ITGA9: variants seen among roughly 807,000 people sequenced by gnomAD.
ITGA9 encodes the protein integrin subunit alpha 9.
A neutral mutation model predicts 127.8 loss-of-function variants in ITGA9; 56 were observed. The ratio of observed to expected loss-of-function variants is 0.44; its 90% CI spans 0.35 to 0.55. ITGA9 has a LOEUF of 0.55. Among genes scored for constraint, ITGA9 ranks in the 20% least tolerant of loss-of-function variants. The pLI is 0.00. For missense variants in ITGA9, 1,196 were observed against 1,347.1 expected, an observed-to-expected ratio of 0.89 and a Z score of 1.76; for synonymous variants, 508 against 514.5, an observed-to-expected ratio of 0.99 and a Z score of 0.17.
At chr3:37,680,795 A>G (rs1700727460) in intron 17 of ITGA9, among the ~76,000 whole-genome samples, 1 of 152,226 alleles carries the variant, frequency 6.6e-6, no homozygotes, top group African/African-American at 2.4e-5. Context: ...TAATCTTCCA[A>G]AAGCAAACAG....
chr3:37,729,069 A>T (rs1196494042), intron 18 of ITGA9, among the ~76,000 whole-genome samples: 1 of 150,264 alleles, frequency 6.7e-6, no homozygotes, highest in East Asian at 2.0e-4. Context: ...AGGCAAAGCG[A>T]CTCCATTCAA....
intron 15 of ITGA9, among the ~76,000 whole-genome samples, chr3:37,612,173 A>G (rs1700029521): frequency 6.6e-6 from 1 of 152,208 alleles, no homozygotes; most frequent in South Asian, 2.1e-4. Flanking sequence ...CTCATTAGGC[A>G]TTACTAGTAA....
intron 15 of ITGA9, among the ~76,000 whole-genome samples, chr3:37,581,181 C>T (rs1699706119): frequency 6.6e-6 from 1 of 152,126 alleles, no homozygotes; most frequent in Non-Finnish European, 1.5e-5. Context: ...AGGACAGGAG[C>T]TGGAGTGGAA....
intron 1 of ITGA9, among the ~76,000 whole-genome samples, chr3:37,457,840 G>C (rs922017918): frequency 6.6e-6 from 1 of 152,210 alleles, no homozygotes; most frequent in African/African-American, 2.4e-5. Flanking sequence ...GTCTTGCCCA[G>C]TGGAGAACCT....
chr3:37,512,034 T>C, intron 8 of ITGA9, among the ~76,000 whole-genome samples: 1 of 40,430 alleles, frequency 2.5e-5, no homozygotes, highest in Admixed American at 3.8e-4. Flanking sequence ...TTTTCTTTCT[T>C]TCTTTCTTTC....
At chr3:37,794,958 T>C (rs1239915220) in intron 26 of ITGA9, among the ~76,000 whole-genome samples, 2 of 152,222 alleles carry the variant, frequency 1.3e-5, no homozygotes, top group African/African-American at 4.8e-5. Context: ...ATCTGAGGCA[T>C]GGTTCTGCTG....
intron 16 of ITGA9, among the ~76,000 whole-genome samples, chr3:37,636,751 T>C: frequency 6.6e-6 from 1 of 152,170 alleles, no homozygotes; most frequent in East Asian, 1.9e-4. Flanking sequence ...TCTTCTAGGG[T>C]TTTTATGGTT....
intron 15 of ITGA9, among the ~76,000 whole-genome samples, chr3:37,596,593 TC>T (rs1699873010): frequency 6.6e-6 from 1 of 151,924 alleles, no homozygotes; most frequent in Non-Finnish European, 1.5e-5. Flanking sequence ...AATGTCCTGC[TC>T]CCCCGGAGGA....
chr3:37,515,188 G>GTT (rs1559525702), intron 9 of ITGA9, among the ~76,000 whole-genome samples: 2 of 152,204 alleles, frequency 1.3e-5, no homozygotes, highest in African/African-American at 4.8e-5. Flanking sequence ...TGTACAACCA[G>GTT]TCCTCAGAAA....
intron 1 of ITGA9, among the ~76,000 whole-genome samples, chr3:37,465,401 G>A (rs1379209463): frequency 6.6e-6 from 1 of 152,212 alleles, no homozygotes; most frequent in Non-Finnish European, 1.5e-5. Context: ...CACACCAGGA[G>A]GGGGTTTGGA....
intron 23 of ITGA9, among the ~76,000 whole-genome samples, chr3:37,758,032 G>A (rs1034444017): frequency 2.0e-5 from 3 of 151,710 alleles, no homozygotes; most frequent in African/African-American, 7.3e-5. Flanking sequence ...TAAATAAATT[G>A]CAAATTGAGG....
chr3:37,483,028 A>C (rs550382452), intron 4 of ITGA9, among the ~76,000 whole-genome samples: 9 of 152,130 alleles, frequency 5.9e-5, no homozygotes, highest in Non-Finnish European at 1.2e-4. Context: ...CCTTTTTCCT[A>C]AGGAAGAAAA....
At chr3:37,815,367 G>T (rs1388033313) in intron 27 of ITGA9, among the ~76,000 whole-genome samples, 1 of 152,196 alleles carries the variant, frequency 6.6e-6, no homozygotes, top group Admixed American at 6.5e-5. Context: ...CCAGCGCTTT[G>T]GGAAGCCAAG....
intron 1 of ITGA9, among the ~76,000 whole-genome samples, chr3:37,469,674 C>G (rs1698407811): frequency 6.6e-6 from 1 of 152,082 alleles, no homozygotes; most frequent in African/African-American, 2.4e-5. Flanking sequence ...TAAATGGAAT[C>G]AGACTGTGAG....
At chr3:37,672,416 G>T (rs973662878) in intron 17 of ITGA9, among the ~76,000 whole-genome samples, 1 of 152,170 alleles carries the variant, frequency 6.6e-6, no homozygotes, top group African/African-American at 2.4e-5. Context: ...CATGTAAGAC[G>T]TGACTTTGCT....
intron 23 of ITGA9, among the ~76,000 whole-genome samples, chr3:37,754,393 T>C (rs923481325): frequency 6.6e-6 from 1 of 152,196 alleles, no homozygotes; most frequent in African/African-American, 2.4e-5. Context: ...AAATGATAGC[T>C]AACAGGGAGT....
intron 4 of ITGA9, among the ~76,000 whole-genome samples, chr3:37,483,717 G>T (rs1698580479): frequency 6.6e-6 from 1 of 152,208 alleles, no homozygotes; most frequent in South Asian, 2.1e-4. Context: ...GGTGCTGGCA[G>T]GTGGCAGTCA....
In ITGA9 at chr3:37,561,709, C is replaced by T. The variant is rs969578259; in HGVS notation, c.1689+19124C>T. ...GGTCAGCATCATTGCTTTCAGCTGGCGTTTTAGTACAGTTTTTCTGGTGAC... is the reference window on the plus strand; with the variant it reads ...GGTCAGCATCATTGCTTTCAGCTGGTGTTTTAGTACAGTTTTTCTGGTGAC... On this transcript the variant is annotated intron_variant, in intron 15 of 27. Transcript: ENST00000264741. Among the ~76,000 whole-genome samples, 4 of 152,262 alleles carry T rather than the reference C, an allele frequency of 2.6e-5. No individual in the cohort carries two copies. The East Asian group carries it at 5.8e-4, about 22-fold the overall frequency.
intron 16 of ITGA9, among the ~76,000 whole-genome samples, chr3:37,633,114 C>T (rs1700243068): frequency 6.6e-6 from 1 of 152,144 alleles, no homozygotes; most frequent in Non-Finnish European, 1.5e-5. Context: ...GCAGCCAAGT[C>T]TATTGAGAAG....
Sources: allele counts gnomAD v4.1 joint callset (sites outside exome capture counted in the v4.1 genomes callset), GRCh38; gene constraint gnomAD v4.1.1; transcripts MANE v1.5; gene names NCBI Gene and HGNC (gene_info 2026-07-23, HGNC 2026-07-21).